Variants in BNC2 observed in about 807,000 individuals in gnomAD.
BNC2 encodes zinc finger protein basonuclin-2.
A neutral mutation model predicts 76.3 loss-of-function variants in BNC2; 20 were observed. That is an observed-to-expected ratio of 0.26 (90% confidence interval 0.18 to 0.38). BNC2 has a LOEUF of 0.38. Among genes scored for constraint, BNC2 ranks in the 10% least tolerant of loss-of-function variants. The pLI, the probability that BNC2 is intolerant of heterozygous loss-of-function variation, is 1.00. For missense variants in BNC2, 1,382 were observed against 1,399.8 expected, an observed-to-expected ratio of 0.99 and a Z score of 0.20; for synonymous variants, 582 against 514.8, an observed-to-expected ratio of 1.13 and a Z score of -1.77.
chr9:16,428,019 T>C (rs765674076), intron 6 of BNC2, among the ~76,000 whole-genome samples: 1 of 152,222 alleles, frequency 6.6e-6, no homozygotes, highest in Non-Finnish European at 1.5e-5. Context: ...CCATTCACCA[T>C]TGAAGTTAAG....
chr9:16,664,946 T>G (rs1192791425), intron 3 of BNC2: 1 of 263,728 alleles, frequency 3.8e-6, no homozygotes, highest in Non-Finnish European at 7.2e-6. Context: ...AAATTCAGAA[T>G]AGGCAGGTTA....
At chr9:16,797,914 G>A (rs1267632894) in intron 1 of BNC2, among the ~76,000 whole-genome samples, 1 of 152,080 alleles carries the variant, frequency 6.6e-6, no homozygotes, top group Non-Finnish European at 1.5e-5. Flanking sequence ...CCACAGGAAA[G>A]GAAGAGATCC....
At chr9:16,659,228 T>A (rs1822025477) in intron 3 of BNC2, among the ~76,000 whole-genome samples, 1 of 152,196 alleles carries the variant, frequency 6.6e-6, no homozygotes, top group African/African-American at 2.4e-5. Context: ...CAAATTCTAT[T>A]GTACCGCCAT....
At chr9:16,598,776 C>G (rs1012841816) in intron 3 of BNC2, among the ~76,000 whole-genome samples, 6 of 152,198 alleles carry the variant, frequency 3.9e-5, no homozygotes, top group Non-Finnish European at 5.9e-5. Context: ...AGACTCATCA[C>G]AGCTTAAGAG....
rs377108392 is a variant in BNC2 at position 16,471,469 on chromosome 9, GT to G, written c.670-33946del. Among the ~76,000 whole-genome samples the G allele has an allele frequency of 5.9e-5, 9 of 151,862 alleles. No individual in the cohort carries two copies. In the South Asian group the frequency reaches 1.2e-3, roughly 21 times the overall value. ...CCACCATGCCCAGCTGATTTTTGTA[GT>G]TTTAGTAGAGACAGGGTTTCACTAT... On this transcript the variant is annotated intron_variant, in intron 5 of 6. Coordinates refer to ENST00000380672, the MANE Select transcript of BNC2 (RefSeq NM_017637.6).
intron 4 of BNC2, among the ~76,000 whole-genome samples, chr9:16,555,657 T>C (rs1296259978): frequency 6.6e-6 from 1 of 151,854 alleles, no homozygotes; most frequent in Non-Finnish European, 1.5e-5. Context: ...TAGCTGGACA[T>C]GGTGGCGCCC....
At chr9:16,780,265 A>G (rs1286022106) in intron 1 of BNC2, among the ~76,000 whole-genome samples, 1 of 142,818 alleles carries the variant, frequency 7.0e-6, no homozygotes, top group African/African-American at 2.6e-5. Flanking sequence ...AACAAAAAAA[A>G]ACTACTGAAA....
intron 5 of BNC2, among the ~76,000 whole-genome samples, chr9:16,511,082 G>A (rs993091438): frequency 1.3e-5 from 2 of 150,028 alleles, no homozygotes; most frequent in Non-Finnish European, 3.0e-5. Context: ...TCTCAGAAAA[G>A]CTAATGGAGA....
chr9:16,862,443 C>T lies in BNC2; in HGVS notation c.3+8203G>A, dbSNP rs184274513. On this transcript the variant is annotated intron_variant, in intron 1 of 6. Coordinates refer to ENST00000380672, the MANE Select transcript of BNC2 (RefSeq NM_017637.6). ...AGGCACTTAGAAATTACCAAACTCA[C>T]TTGACTTACAAATGAGAGAACACAG... 3.3e-5 allele frequency among the ~76,000 whole-genome samples: 5 copies of T among 152,300 alleles called. No homozygotes were observed. In the East Asian group the frequency reaches 7.7e-4, roughly 23 times the overall value.
At chr9:16,520,031 A>T (rs574280565) in intron 5 of BNC2, among the ~76,000 whole-genome samples, 3 of 152,142 alleles carry the variant, frequency 2.0e-5, no homozygotes, top group East Asian at 3.9e-4. Context: ...TTCTTGAGAA[A>T]CTCTAATGGG....
intron 4 of BNC2, among the ~76,000 whole-genome samples, chr9:16,571,981 T>C (rs1002392785): frequency 1.3e-5 from 2 of 152,224 alleles, no homozygotes; most frequent in African/African-American, 4.8e-5. Context: ...CCTAGCCAAG[T>C]TCTCCAAGCC....
At chr9:16,800,018 A>C (rs1449542264) in intron 1 of BNC2, among the ~76,000 whole-genome samples, 2 of 152,116 alleles carry the variant, frequency 1.3e-5, no homozygotes. Context: ...TGAGATCAGG[A>C]GTTCGAGACC....
At chr9:16,680,614 G>T (rs1019245737) in intron 3 of BNC2, among the ~76,000 whole-genome samples, 1 of 151,532 alleles carries the variant, frequency 6.6e-6, no homozygotes, top group African/African-American at 2.4e-5. Context: ...GGAATAAGGG[G>T]CCTTTCCATT....
chr9:16,421,703 C>T (rs1479956177), intron 6 of BNC2, among the ~76,000 whole-genome samples: 1 of 152,180 alleles, frequency 6.6e-6, no homozygotes, highest in Non-Finnish European at 1.5e-5. Flanking sequence ...GTGCAGGTTG[C>T]TAAGCAAAGT....
At chr9:16,513,192 G>A in intron 5 of BNC2, among the ~76,000 whole-genome samples, 1 of 151,346 alleles carries the variant, frequency 6.6e-6, no homozygotes, top group East Asian at 1.9e-4. Context: ...TCATGCAAAT[G>A]AAAGGTATAG....
intron 3 of BNC2, among the ~76,000 whole-genome samples, chr9:16,672,821 G>C (rs897325569): frequency 6.6e-6 from 1 of 152,186 alleles, no homozygotes; most frequent in Non-Finnish European, 1.5e-5. Context: ...ATGGAGTAGT[G>C]AAGCAATCTA....
At chr9:16,681,739 T>A (rs148721359) in intron 3 of BNC2, among the ~76,000 whole-genome samples, 2 of 152,178 alleles carry the variant, frequency 1.3e-5, no homozygotes, top group African/African-American at 4.8e-5. Context: ...AAAGCTGCAG[T>A]GTATGTACAT....
At chr9:16,752,239 G>T (rs1325348937) in intron 1 of BNC2, among the ~76,000 whole-genome samples, 2 of 152,086 alleles carry the variant, frequency 1.3e-5, no homozygotes, top group Non-Finnish European at 2.9e-5. Context: ...ACCAGTGCTT[G>T]AACATAATAA....
chr9:16,531,042 G>C (rs1817958540), intron 5 of BNC2, among the ~76,000 whole-genome samples: 2 of 152,226 alleles, frequency 1.3e-5, no homozygotes, highest in African/African-American at 4.8e-5. Context: ...CTCTATTAAA[G>C]ATAAACAAGG....
Sources: allele counts gnomAD v4.1 joint callset (sites outside exome capture counted in the v4.1 genomes callset), GRCh38; gene constraint gnomAD v4.1.1; transcripts MANE v1.5; gene names NCBI Gene and HGNC (gene_info 2026-07-23, HGNC 2026-07-21).